The following IGDCC4 variants were observed in gnomAD, a reference collection of about 807,000 sequenced individuals.
IGDCC4 encodes immunoglobulin superfamily DCC subclass member 4.
IGDCC4 carries 72 observed loss-of-function variants against 116.6 expected under a neutral mutation model. That is an observed-to-expected ratio of 0.62 (90% CI 0.51 to 0.75). IGDCC4 has a LOEUF of 0.75. Among genes scored for constraint, IGDCC4 ranks in the 30% least tolerant of loss-of-function variants. The pLI, the probability that IGDCC4 is intolerant of heterozygous loss-of-function variation, is 0.00. For synonymous variants in IGDCC4, 709 were observed against 719.9 expected (o/e 0.98, Z 0.24); for missense variants, 1,501 against 1,662.4 (o/e 0.90, Z 1.69).
At chr15:65,420,687 A>C (rs1306745906) in intron 1 of IGDCC4, among the ~76,000 whole-genome samples, 3 of 151,234 alleles carry the variant, frequency 2.0e-5, no homozygotes, top group Non-Finnish European at 4.4e-5. Flanking sequence ...AGTTTAATCC[A>C]ATGATCTCAA....
chr15:65,386,146 G>C, intron 17 of IGDCC4, 87 bp from the exon 18 acceptor site: 4 of 848,232 alleles, frequency 4.7e-6, no homozygotes, highest in Non-Finnish European at 7.3e-6. Context: ...TGTCTCTGGG[G>C]AGGTTCCTGC....
chr15:65,406,409 T>C (rs2063041596), intron 3 of IGDCC4, among the ~76,000 whole-genome samples: 1 of 152,246 alleles, frequency 6.6e-6, no homozygotes, highest in East Asian at 1.9e-4. Context: ...CATTGATTAC[T>C]AGTTCCCATG....
At position 65,393,746 on chromosome 15, in the gene IGDCC4, G is replaced by C. The variant is rs1487520317; in HGVS notation, c.1715-215C>G. Among the ~76,000 whole-genome samples, 1 of 152,170 alleles carries C rather than the reference G, an allele frequency of 6.6e-6. No homozygotes were observed. Among genetic ancestry groups the C allele is most frequent in the Non-Finnish European group, 1.5e-5 (1 of 68,024 alleles). The stretch of plus-strand genomic sequence containing the variant: ...TCTGGCTGATGCAGGCCATCAGCCT[G>C]GGCTCAGCTGCAGGGAGAATGATGG... On this transcript the variant is annotated intron_variant, in intron 9 of 19. Transcript: ENST00000352385. The surrounding 1 kb of genome is among the most constrained non-coding windows in gnomAD (Gnocchi z 4.6).
rs142500696 is a variant in IGDCC4, at chr15:65,386,586, G to A, written c.2916C>T (p.Ala972=). Residue 972 remains alanine (A), a synonymous_variant, in exon 17 of 20, where the codon GCC becomes GCT. Transcript: ENST00000352385. ...GVCLGLLCLL[A]CMCAGLRRSP... ...TGCGGCGCAGGCCAGCACACATGCA[G>A]GCCAGGAGGCAGAGGAGGCCCAGGC... The A allele has an allele frequency of 1.1e-4, 177 of 1,611,340 alleles. No homozygotes were observed. Among genetic ancestry groups the A allele is most frequent in the Non-Finnish European group, 1.4e-4 (170 of 1,179,634 alleles).
intron 1 of IGDCC4, among the ~76,000 whole-genome samples, chr15:65,422,492 C>T (rs2063202086): frequency 6.7e-6 from 1 of 149,034 alleles, no homozygotes; most frequent in Non-Finnish European, 1.5e-5. Context: ...CCATGGCACG[C>T]ACTGCGGACA....
intron 11 of IGDCC4, 33 bp from the exon 12 acceptor site, chr15:65,392,014 G>A: frequency 1.3e-6 from 2 of 1,573,220 alleles, no homozygotes; most frequent in East Asian, 2.3e-5. Flanking sequence ...ATGGCTAGGG[G>A]GACATCTGGG....
chr15:65,397,336 G>C (rs1340813568), intron 5 of IGDCC4, among the ~76,000 whole-genome samples: 1 of 152,198 alleles, frequency 6.6e-6, no homozygotes, highest in Non-Finnish European at 1.5e-5. Flanking sequence ...TCCCAGCCCA[G>C]TACTATGATG....
chr15:65,413,346 G>A (rs2063115756), intron 1 of IGDCC4, among the ~76,000 whole-genome samples: 1 of 152,036 alleles, frequency 6.6e-6, no homozygotes, highest in South Asian at 2.1e-4. Flanking sequence ...TTTCCCCAAG[G>A]CCATGCAGGA....
intron 10 of IGDCC4, among the ~76,000 whole-genome samples, chr15:65,392,873 C>A (rs192723126): frequency 6.6e-6 from 1 of 151,980 alleles, no homozygotes; most frequent in African/African-American, 2.4e-5. Context: ...CCTTGCAACC[C>A]TCTAAAATAG....
chr15:65,402,588 G>T (rs1334563892), intron 3 of IGDCC4, 101 bp from the exon 4 acceptor site: 5 of 1,435,738 alleles, frequency 3.5e-6, no homozygotes, highest in Non-Finnish European at 4.7e-6. Flanking sequence ...AAGATACCAG[G>T]CTGGGCGCAG....
chr15:65,384,221 C>A lies in IGDCC4; in HGVS notation c.3541G>T (p.Asp1181Tyr), dbSNP rs2091430166. 6.2e-7 allele frequency: 1 copy of A among 1,602,326 alleles called. No homozygotes were observed. Among genetic ancestry groups the A allele is most frequent in the African/African-American group, 1.3e-5 (1 of 74,854 alleles). The change falls in exon 20 of 20, where the codon GAC becomes TAC. Residue 1181 changes from aspartate to tyrosine, a missense_variant. Physicochemically the swap from Asp to Tyr is radical, Grantham distance 160 (BLOSUM62 -3). Transcript: ENST00000352385. The surrounding 1 kb of genome is among the most constrained non-coding windows in gnomAD (Gnocchi z 4.9). ...GDPGQGAAWL[D>Y]RELGGCELAA... ...AGCTCACACCCTCCCAACTCCCTGT[C>A]CAGCCAGGCTGCCCCCTGCCCTGGA...
chr15:65,419,094 C>T (rs1010615976), intron 1 of IGDCC4, among the ~76,000 whole-genome samples: 1 of 151,930 alleles, frequency 6.6e-6, no homozygotes, highest in Non-Finnish European at 1.5e-5. Flanking sequence ...ACTCTGTTGC[C>T]CAGGGTGGAG....
chr15:65,398,552 AAAAAGAAAG>A (rs1413871013), intron 5 of IGDCC4, among the ~76,000 whole-genome samples: 31 of 147,738 alleles, frequency 2.1e-4, no homozygotes, highest in Non-Finnish European at 4.5e-4. Context: ...AAAAAAAAAA[AAAAAGAAAG>A]AAAAGAAAAG....
intron 1 of IGDCC4, among the ~76,000 whole-genome samples, chr15:65,421,784 T>G (rs1247205703): frequency 7.2e-6 from 1 of 138,730 alleles, no homozygotes; most frequent in East Asian, 2.2e-4. Flanking sequence ...CCCATCCCCC[T>G]CCCAGCCCTG....
intron 1 of IGDCC4, among the ~76,000 whole-genome samples, chr15:65,419,625 A>G (rs923701354): frequency 6.6e-6 from 1 of 152,022 alleles, no homozygotes; most frequent in African/African-American, 2.4e-5. Context: ...AATGACTGAG[A>G]TTGGCCTCTG....
chr15:65,399,165 T>A (rs2062958702), intron 5 of IGDCC4, among the ~76,000 whole-genome samples: 1 of 151,946 alleles, frequency 6.6e-6, no homozygotes, highest in Non-Finnish European at 1.5e-5. Context: ...GTAGTAGAGC[T>A]GAAGAGCACA....
chr15:65,414,101 C>T (rs960729327), intron 1 of IGDCC4, among the ~76,000 whole-genome samples: 3 of 152,236 alleles, frequency 2.0e-5, no homozygotes, highest in Non-Finnish European at 4.4e-5. Flanking sequence ...CACAGGTCAA[C>T]ATTTAGAAGC....
In IGDCC4 at chr15:65,391,884, T is replaced by TGCCGGC; in HGVS notation, c.2214_2219dup (p.Ala740_Pro741dup). 1 of 1,613,474 alleles carries TGCCGGC rather than the reference T, an allele frequency of 6.2e-7. No homozygotes were observed. Among genetic ancestry groups the TGCCGGC allele is most frequent in the South Asian group, 1.1e-5 (1 of 91,058 alleles). On this transcript the variant is annotated inframe_insertion, in exon 12 of 20. Transcript: ENST00000352385. ...TTCTTCCCCCACCGCCCTCACCTGG[T>TGCCGGC]GCCGGCGCCTTCTCCGTCTTGCCCT...
chr15:65,384,104 C>G lies in IGDCC4; in HGVS notation c.3658G>C (p.Glu1220Gln). The change falls in exon 20 of 20, where the codon GAG (glutamate) becomes CAG (glutamine). Residue 1220 changes from glutamate (E) to glutamine (Q), a missense_variant. Coordinates refer to ENST00000352385, the MANE Select transcript of IGDCC4 (RefSeq NM_020962.3). This position sits in a 1 kb window ranked among gnomAD's most constrained non-coding sequence, Gnocchi z 4.9. ...TGGCAGCTATCTCCAGGGGTCTCCTCTAGCACCTCGCCTGGCTGGAGGTCC... is the reference window on the plus strand; with the variant it reads ...TGGCAGCTATCTCCAGGGGTCTCCTGTAGCACCTCGCCTGGCTGGAGGTCC... ...YPDLQPGEVL[E>Q]ETPGDSCQLK... 6 of 1,612,776 alleles carry G rather than the reference C, an allele frequency of 3.7e-6. No homozygotes were observed. The highest frequency in any genetic ancestry group is 5.1e-6 in the Non-Finnish European group (6 of 1,179,472).
Sources: gnomAD v4.1 joint callset for allele counts (sites outside exome capture counted in the v4.1 genomes callset) on GRCh38, gnomAD v4.1.1 for gene constraint, Gnocchi (gnomAD v3.1) non-coding constraint, MANE v1.5 for transcripts, NCBI Gene and HGNC (gene_info 2026-07-23, HGNC 2026-07-21) for gene names.